ECHDC1: variants seen among roughly 807,000 people sequenced by gnomAD.
The protein encoded by ECHDC1 is ethylmalonyl-CoA decarboxylase 1, also known as ethylmalonyl-CoA decarboxylase.
A neutral mutation model predicts 29.7 loss-of-function variants in ECHDC1; 29 were observed. The observed-to-expected ratio is 0.98, with a 90% CI of 0.73 to 1.33. The LOEUF is 1.33. Among genes scored for constraint, ECHDC1 ranks in the 40% most tolerant of loss-of-function variants. The pLI, the probability that ECHDC1 is intolerant of heterozygous loss-of-function variation, is 0.00. For missense variants in ECHDC1, 328 were observed against 350.0 expected (o/e 0.94, Z 0.50); for synonymous variants, 126 against 123.1 (o/e 1.02, Z -0.15).
At chr6:127,324,604 G>A (rs1432251534) in intron 3 of ECHDC1, among the ~76,000 whole-genome samples, 1 of 152,042 alleles carries the variant, frequency 6.6e-6, no homozygotes, top group East Asian at 1.9e-4. Flanking sequence ...CCATAACCAG[G>A]ACTCCTTGAA....
intron 1 of ECHDC1, among the ~76,000 whole-genome samples, chr6:127,340,295 T>C (rs1784815600): frequency 6.6e-6 from 1 of 152,208 alleles, no homozygotes; most frequent in Admixed American, 6.5e-5. Context: ...CCAGTAGGTA[T>C]TGAGATAAGA....
At chr6:127,294,687 G>A (rs1293759158) in intron 5 of ECHDC1, 1 of 152,120 alleles carries the variant, frequency 6.6e-6, no homozygotes, top group African/African-American at 2.4e-5. Flanking sequence ...TTAACATTTA[G>A]TAATCCTGGC....
chr6:127,330,221 C>T (rs1164137540), intron 2 of ECHDC1, among the ~76,000 whole-genome samples: 2 of 152,144 alleles, frequency 1.3e-5, no homozygotes, highest in East Asian at 3.9e-4. Flanking sequence ...CCTGCATCTT[C>T]AGTTCTCTTA....
At chr6:127,320,580 C>T (rs980200687) in intron 3 of ECHDC1, among the ~76,000 whole-genome samples, 1 of 152,192 alleles carries the variant, frequency 6.6e-6, no homozygotes, top group African/African-American at 2.4e-5. Context: ...TTTTATTTCT[C>T]CATATTCTGA....
chr6:127,306,434 CCTAATGT>C (rs1781445787), intron 5 of ECHDC1, among the ~76,000 whole-genome samples: 3 of 152,158 alleles, frequency 2.0e-5, no homozygotes, highest in Middle Eastern at 3.4e-3. Flanking sequence ...AATTGTAATC[CCTAATGT>C]TGTAGGAGGA....
At chr6:127,330,783 T>C in intron 2 of ECHDC1, 26 bp downstream of exon 2, 7 of 1,577,156 alleles carry the variant, frequency 4.4e-6, no homozygotes, top group Non-Finnish European at 5.2e-6. Flanking sequence ...AGTGTCATTC[T>C]TTAGGAATAA....
chr6:127,323,162 C>A (rs1582984587), intron 3 of ECHDC1, among the ~76,000 whole-genome samples: 4 of 152,020 alleles, frequency 2.6e-5, no homozygotes, highest in Admixed American at 2.6e-4. Context: ...GGGTTCCATT[C>A]CCAGGATATC....
chr6:127,328,086 T>C (rs1783529665), intron 2 of ECHDC1, among the ~76,000 whole-genome samples: 1 of 152,222 alleles, frequency 6.6e-6, no homozygotes, highest in Non-Finnish European at 1.5e-5. Context: ...GGAATATAAA[T>C]CCCACAATGT....
At chr6:127,341,163 C>G (rs536309961) in intron 1 of ECHDC1, among the ~76,000 whole-genome samples, 122 of 152,302 alleles carry the variant, frequency 8.0e-4, no homozygotes, top group African/African-American at 2.8e-3. Flanking sequence ...TTCCCTCCCA[C>G]TACTGTCTCT....
At chr6:127,322,854 A>G (rs2114649411) in intron 3 of ECHDC1, among the ~76,000 whole-genome samples, 1 of 152,250 alleles carries the variant, frequency 6.6e-6, no homozygotes, top group Non-Finnish European at 1.5e-5. Context: ...ACAGTCTATT[A>G]TATCATTCTG....
At chr6:127,311,979 T>C (rs1219813562) in intron 5 of ECHDC1, among the ~76,000 whole-genome samples, 1 of 151,972 alleles carries the variant, frequency 6.6e-6, no homozygotes. Context: ...AAGTTTTTCA[T>C]AAGTGTATAG....
intron 3 of ECHDC1, among the ~76,000 whole-genome samples, chr6:127,318,889 G>A (rs573098573): frequency 6.6e-6 from 1 of 152,208 alleles, no homozygotes; most frequent in African/African-American, 2.4e-5. Context: ...TGTATCTCAC[G>A]AAGTGATGAG....
At position 127,289,839 on chromosome 6, in the gene ECHDC1, T is replaced by G. The variant is rs1310919473; in HGVS notation, c.*30A>C. The G allele has an allele frequency of 6.4e-7, 1 of 1,567,858 alleles. No individual in the cohort carries two copies. Among genetic ancestry groups the G allele is most frequent in the Non-Finnish European group, 8.6e-7 (1 of 1,159,074 alleles). On this transcript the variant is annotated 3_prime_UTR_variant, in exon 6 of 6. Coordinates refer to ENST00000454859, the MANE Select transcript of ECHDC1 (RefSeq NM_001002030.2). ...TTATACATATTAGTCACTGGAGCTT[T>G]ACTTGGAGTACATCCACACGAAAAA...
At chr6:127,300,885 A>G (rs989850651) in intron 5 of ECHDC1, among the ~76,000 whole-genome samples, 1 of 152,234 alleles carries the variant, frequency 6.6e-6, no homozygotes, top group Non-Finnish European at 1.5e-5. Context: ...AATTTGTGGT[A>G]GTTTGTTATA....
At chr6:127,304,926 A>C (rs1427115741) in intron 5 of ECHDC1, among the ~76,000 whole-genome samples, 1 of 152,228 alleles carries the variant, frequency 6.6e-6, no homozygotes, top group Non-Finnish European at 1.5e-5. Flanking sequence ...AATAGTCTCA[A>C]AAGGGCAAAT....
intron 5 of ECHDC1, among the ~76,000 whole-genome samples, chr6:127,307,881 T>C (rs1001234283): frequency 6.6e-6 from 1 of 151,590 alleles, no homozygotes; most frequent in South Asian, 2.1e-4. Context: ...TGTCAATAAA[T>C]TGGGAAATCT....
At chr6:127,340,152 G>A (rs1228044691) in intron 1 of ECHDC1, among the ~76,000 whole-genome samples, 2 of 152,174 alleles carry the variant, frequency 1.3e-5, no homozygotes, top group Admixed American at 1.3e-4. Context: ...AATACATATC[G>A]TATAAGGGTC....
At chr6:127,333,438 G>C (rs964963121) in intron 1 of ECHDC1, among the ~76,000 whole-genome samples, 1 of 151,660 alleles carries the variant, frequency 6.6e-6, no homozygotes, top group Non-Finnish European at 1.5e-5. Flanking sequence ...CTAGCTTTTG[G>C]CATGACTATA....
chr6:127,307,184 G>A (rs1349615177), intron 5 of ECHDC1, among the ~76,000 whole-genome samples: 2 of 152,140 alleles, frequency 1.3e-5, no homozygotes, highest in African/African-American at 4.8e-5. Context: ...CTAACAGGGA[G>A]TTTATAGCTA....
Sources: gnomAD v4.1 joint callset for allele counts (sites outside exome capture counted in the v4.1 genomes callset) on GRCh38, gnomAD v4.1.1 for gene constraint, MANE v1.5 for transcripts, NCBI Gene and HGNC (gene_info 2026-07-23, HGNC 2026-07-21) for gene names.